XIRP2: variants seen among roughly 807,000 people sequenced by gnomAD.
The protein encoded by XIRP2 is xin actin-binding repeat-containing protein 2.
XIRP2 carries 236 observed loss-of-function variants against 277.0 expected under a neutral mutation model. That is an observed-to-expected ratio of 0.85 (90% CI 0.77 to 0.95). XIRP2 has a LOEUF of 0.95. Ranked by LOEUF, XIRP2 falls within the 40% of genes least tolerant of loss-of-function variation. The pLI is 0.00. For missense variants in XIRP2, 4,640 were observed against 4,157.5 expected, an observed-to-expected ratio of 1.12 and a Z score of -3.19; for synonymous variants, 1,490 against 1,416.5, an observed-to-expected ratio of 1.05 and a Z score of -1.17.
At position 167,218,066 on chromosome 2, in the gene XIRP2, T is replaced by C. The variant is rs185214249; in HGVS notation, c.724-100T>C. ...GGTGTATGTGAATATCTTTTTAAGA[T>C]ACTGTCTATCAATAAATGTCAACTA... On this transcript the variant is annotated intron_variant, in intron 4 of 10. Coordinates refer to ENST00000409195, the MANE Select transcript of XIRP2 (RefSeq NM_152381.6). The C allele has an allele frequency of 9.8e-6, 10 of 1,019,398 alleles. No homozygotes were observed. The African/African-American group carries it at 1.3e-4, about 13-fold the overall frequency. The allele number at this position is 1,019,398 out of a possible 1,614,324, so 63.1% of individuals were successfully genotyped here.
chr2:166,994,601 A>C (rs1687156873), intron 2 of XIRP2, among the ~76,000 whole-genome samples: 1 of 137,022 alleles, frequency 7.3e-6, no homozygotes, highest in African/African-American at 2.8e-5. Flanking sequence ...ATGGTAGGAC[A>C]GCAATGATGT....
At chr2:167,151,772 G>T (rs919679065) in intron 3 of XIRP2, among the ~76,000 whole-genome samples, 2 of 140,554 alleles carry the variant, frequency 1.4e-5, no homozygotes, top group Non-Finnish European at 3.3e-5. Context: ...CAGACAATAA[G>T]TAGGTAAACC....
chr2:166,911,291 G>A (rs543389268), intron 2 of XIRP2, among the ~76,000 whole-genome samples: 2 of 152,162 alleles, frequency 1.3e-5, no homozygotes, highest in South Asian at 2.1e-4. Context: ...ATGAATCTGG[G>A]TGCTCCTGTA....
intron 3 of XIRP2, among the ~76,000 whole-genome samples, chr2:167,186,332 A>G (rs1410965722): frequency 2.0e-5 from 3 of 152,198 alleles, no homozygotes; most frequent in Non-Finnish European, 4.4e-5. Context: ...TGTATATGGA[A>G]AAATGTAATA....
At chr2:167,119,590 CTTCT>C (rs1167329304) in intron 2 of XIRP2, among the ~76,000 whole-genome samples, 4 of 152,140 alleles carry the variant, frequency 2.6e-5, no homozygotes, top group African/African-American at 9.7e-5. Context: ...CTTGATTGTG[CTTCT>C]TTGTCAAATT....
At chr2:167,140,542 A>G (rs1057251306) in intron 3 of XIRP2, among the ~76,000 whole-genome samples, 1 of 152,160 alleles carries the variant, frequency 6.6e-6, no homozygotes, top group Admixed American at 6.5e-5. Context: ...CTCAGAGGAC[A>G]GGCTTTTATA....
intron 2 of XIRP2, among the ~76,000 whole-genome samples, chr2:166,942,223 T>C (rs1340385783): frequency 6.6e-6 from 1 of 152,194 alleles, no homozygotes; most frequent in Non-Finnish European, 1.5e-5. Context: ...CTGTTCTACA[T>C]GTAACTACCC....
chr2:167,258,345 T>C lies in XIRP2; in HGVS notation c.*528T>C, dbSNP rs762237606. On this transcript the variant is annotated 3_prime_UTR_variant, in exon 11 of 11. Transcript: ENST00000409195. ...CAAAGACAAGATCACTTTCCATTTT[T>C]GCAGCCTTATCTACAGTCCACCCAT... 6.2e-7 allele frequency: 1 copy of C among 1,613,488 alleles called. No homozygotes were observed. The highest frequency in any genetic ancestry group is 8.5e-7 in the Non-Finnish European group (1 of 1,179,680).
At chr2:166,898,511 T>A (rs1684299651) in intron 1 of XIRP2, among the ~76,000 whole-genome samples, 1 of 152,146 alleles carries the variant, frequency 6.6e-6, no homozygotes, top group Admixed American at 6.6e-5. Flanking sequence ...TATTTTGAAA[T>A]AATTATAGAT....
intron 2 of XIRP2, among the ~76,000 whole-genome samples, chr2:166,985,755 T>C (rs755057259): frequency 4.6e-5 from 7 of 152,038 alleles, no homozygotes; most frequent in Non-Finnish European, 1.0e-4. Flanking sequence ...CAATTATTCT[T>C]AGTGTTGGTC....
At chr2:167,171,218 C>G (rs1317484595) in intron 3 of XIRP2, among the ~76,000 whole-genome samples, 2 of 152,084 alleles carry the variant, frequency 1.3e-5, no homozygotes, top group East Asian at 3.9e-4. Flanking sequence ...TTAATAGATG[C>G]ATTTAGCGCT....
intron 2 of XIRP2, among the ~76,000 whole-genome samples, chr2:166,968,116 G>A (rs964520665): frequency 6.6e-6 from 1 of 151,896 alleles, no homozygotes; most frequent in Non-Finnish European, 1.5e-5. Context: ...ATAGAAGAAG[G>A]TATCAGCCAT....
At position 167,246,794 on chromosome 2, in the gene XIRP2, G is replaced by A. The variant is rs16853309; in HGVS notation, c.5402G>A (p.Arg1801His). 206,315 of 1,613,584 alleles carry A rather than the reference G, an allele frequency of 0.13. 15,222 individuals carry two copies. Among genetic ancestry groups the A allele is most frequent in the African/African-American group, 0.3 (22,471 of 74,882 alleles). ...AAGAAAAGGCAGTCTCTGGTTGAACGTACTGTTAGTGAAACTGACATCATC... is the reference window on the plus strand; with the variant it reads ...AAGAAAAGGCAGTCTCTGGTTGAACATACTGTTAGTGAAACTGACATCATC... ...LLKKRQSLVE[R>H]TVSETDIIPG... Residue 1801 changes from arginine to histidine, a missense_variant, in exon 9 of 11, where the codon CGT (arginine) becomes CAT (histidine). Transcript: ENST00000409195.
intron 2 of XIRP2, among the ~76,000 whole-genome samples, chr2:167,026,106 C>T (rs887207059): frequency 6.6e-6 from 1 of 152,094 alleles, no homozygotes; most frequent in Non-Finnish European, 1.5e-5. Context: ...CTTTGAAGGT[C>T]ACTCAGGACT....
chr2:167,134,149 G>T (rs1220320350), intron 2 of XIRP2, among the ~76,000 whole-genome samples: 1 of 151,280 alleles, frequency 6.6e-6, no homozygotes, highest in Non-Finnish European at 1.5e-5. Context: ...ACACACATTT[G>T]TAATAAATGT....
At chr2:167,205,706 T>G (rs1693835433) in intron 3 of XIRP2, among the ~76,000 whole-genome samples, 1 of 152,188 alleles carries the variant, frequency 6.6e-6, no homozygotes, top group African/African-American at 2.4e-5. Flanking sequence ...GTCCAATATA[T>G]TTTTTAATTG....
intron 2 of XIRP2, among the ~76,000 whole-genome samples, chr2:167,059,012 A>G (rs1689106950): frequency 6.6e-6 from 1 of 152,144 alleles, no homozygotes; most frequent in Non-Finnish European, 1.5e-5. Context: ...TTAGAAAAAA[A>G]TAGTAACAGT....
intron 2 of XIRP2, among the ~76,000 whole-genome samples, chr2:166,955,232 T>C (rs894631446): frequency 6.6e-6 from 1 of 151,642 alleles, no homozygotes; most frequent in African/African-American, 2.4e-5. Context: ...TATTCAGCCA[T>C]AAGAAAGAAT....
In XIRP2 at chr2:167,257,882, G is replaced by A. The variant is rs747275904; in HGVS notation, c.*65G>A. The A allele has an allele frequency of 2.5e-6, 4 of 1,599,774 alleles. No homozygotes were observed. In the South Asian group the frequency reaches 4.5e-5, roughly 18 times the overall value. Reference sequence around the variant, plus strand: ...TTTGGGAAATTATGCATCACTTCATGGACAAATATACTGTAAACCTCACTT... The same window carrying A: ...TTTGGGAAATTATGCATCACTTCATAGACAAATATACTGTAAACCTCACTT... On this transcript the variant is annotated 3_prime_UTR_variant, in exon 11 of 11. Transcript: ENST00000409195.
Sources: allele counts gnomAD v4.1 joint callset (sites outside exome capture counted in the v4.1 genomes callset), GRCh38; gene constraint gnomAD v4.1.1; transcripts MANE v1.5; gene names NCBI Gene and HGNC (gene_info 2026-07-23, HGNC 2026-07-21).